The following DLC1 variants were observed in gnomAD, a reference collection of about 807,000 sequenced individuals.
DLC1 encodes the protein DLC1 Rho GTPase activating protein, also known as rho GTPase-activating protein 7.
A neutral mutation model predicts 140.3 loss-of-function variants in DLC1; 54 were observed. The observed-to-expected ratio is 0.38, with a 90% CI of 0.31 to 0.48. The LOEUF is 0.48. Among genes scored for constraint, DLC1 ranks in the 20% least tolerant of loss-of-function variants. The pLI is 0.96. For missense variants in DLC1, 2,536 were observed against 1,907.0 expected (o/e 1.33, Z -6.14); for synonymous variants, 986 against 728.1 (o/e 1.35, Z -5.70).
intron 4 of DLC1, among the ~76,000 whole-genome samples, chr8:13,371,506 C>T (rs1005773642): frequency 3.3e-5 from 5 of 151,912 alleles, no homozygotes; most frequent in African/African-American, 9.7e-5. Context: ...GTCCATGTAC[C>T]TTTGACAATT....
intron 5 of DLC1, among the ~76,000 whole-genome samples, chr8:13,160,897 C>T (rs1006119873): frequency 1.3e-5 from 2 of 152,050 alleles, no homozygotes; most frequent in African/African-American, 2.4e-5. Context: ...ACCATCATGG[C>T]GGTGAAACCC....
At chr8:13,402,846 A>C (rs745379934) in intron 2 of DLC1, among the ~76,000 whole-genome samples, 1 of 152,210 alleles carries the variant, frequency 6.6e-6, no homozygotes, top group Non-Finnish European at 1.5e-5. Context: ...CCCAAAGAAC[A>C]GGGTCTAGGA....
At chr8:13,262,147 A>G (rs1830493725) in intron 5 of DLC1, among the ~76,000 whole-genome samples, 1 of 152,188 alleles carries the variant, frequency 6.6e-6, no homozygotes, top group African/African-American at 2.4e-5. Context: ...GTGTGCTAAA[A>G]ATAAAATAAT....
intron 5 of DLC1, among the ~76,000 whole-genome samples, chr8:13,189,797 G>A (rs1327906709): frequency 6.6e-6 from 1 of 151,968 alleles, no homozygotes; most frequent in East Asian, 1.9e-4. Flanking sequence ...CAGGAGAATC[G>A]CTTGAAACCG....
intron 5 of DLC1, among the ~76,000 whole-genome samples, chr8:13,237,197 A>ATATGTGTGTG (rs1554478020): frequency 7.2e-6 from 1 of 138,204 alleles, no homozygotes; most frequent in Admixed American, 7.4e-5. Context: ...ATATATATAT[A>ATATGTGTGTG]TGTGTGTGTG....
chr8:13,365,918 G>A (rs957317008), intron 4 of DLC1, among the ~76,000 whole-genome samples: 1 of 152,146 alleles, frequency 6.6e-6, no homozygotes, highest in African/African-American at 2.4e-5. Flanking sequence ...ACTCACAGCA[G>A]GCCTGTCTGG....
At chr8:13,576,670 C>A (rs1424685037) in intron 1 of DLC1, among the ~76,000 whole-genome samples, 1 of 151,904 alleles carries the variant, frequency 6.6e-6, no homozygotes, top group Non-Finnish European at 1.5e-5. Flanking sequence ...AAATGCCTAT[C>A]TTCTTTTTGG....
At chr8:13,456,995 C>G (rs1187800283) in intron 2 of DLC1, among the ~76,000 whole-genome samples, 3 of 152,190 alleles carry the variant, frequency 2.0e-5, no homozygotes, top group Non-Finnish European at 4.4e-5. Flanking sequence ...AGTTGTAGAA[C>G]ACAACCTTCA....
intron 4 of DLC1, among the ~76,000 whole-genome samples, chr8:13,387,269 C>G (rs77767913): frequency 1.6e-3 from 241 of 152,084 alleles, no homozygotes; most frequent in African/African-American, 5.3e-3. Context: ...TTTCCAGTTT[C>G]TACTTGTAAA....
chr8:13,269,772 A>G (rs1830847723), intron 5 of DLC1, among the ~76,000 whole-genome samples: 1 of 151,438 alleles, frequency 6.6e-6, no homozygotes, highest in African/African-American at 2.4e-5. Flanking sequence ...AAATTTAAAA[A>G]CATGGCCAGG....
intron 1 of DLC1, among the ~76,000 whole-genome samples, chr8:13,562,225 T>C (rs1481319714): frequency 2.0e-5 from 3 of 152,112 alleles, no homozygotes; most frequent in Non-Finnish European, 4.4e-5. Context: ...AAAAGATTGA[T>C]ACATTTGATA....
intron 5 of DLC1, among the ~76,000 whole-genome samples, chr8:13,204,109 G>A (rs762629022): frequency 6.6e-6 from 1 of 152,032 alleles, no homozygotes; most frequent in Non-Finnish European, 1.5e-5. Context: ...AATGCTCAGG[G>A]GGAAAAAAGA....
chr8:13,120,356 A>AAAATATATATATATATATAT, intron 5 of DLC1, among the ~76,000 whole-genome samples: 25 of 61,076 alleles, frequency 4.1e-4, no homozygotes, highest in Admixed American at 3.2e-3. Flanking sequence ...AAAAAAAAAA[A>AAAATATATATATATATATAT]ATATATATAT....
intron 5 of DLC1, among the ~76,000 whole-genome samples, chr8:13,143,460 G>A (rs1426090568): frequency 1.3e-5 from 2 of 152,110 alleles, no homozygotes; most frequent in Non-Finnish European, 1.5e-5. Context: ...TAACTTCAGT[G>A]AGTTTTTCTT....
intron 5 of DLC1, chr8:13,304,468 C>T (rs1297614584): frequency 5.6e-6 from 1 of 178,318 alleles, no homozygotes; most frequent in Admixed American, 6.5e-5. Context: ...CTGACATAGA[C>T]AGCAAACACC....
At chr8:13,364,050 C>T (rs111820049) in intron 4 of DLC1, among the ~76,000 whole-genome samples, 104 of 151,974 alleles carry the variant, frequency 6.8e-4, no homozygotes, top group African/African-American at 2.1e-3. Flanking sequence ...TGTGTGTGTG[C>T]GCACGTGCAC....
At chr8:13,403,684 G>C (rs1837395036) in intron 2 of DLC1, among the ~76,000 whole-genome samples, 1 of 151,974 alleles carries the variant, frequency 6.6e-6, no homozygotes, top group South Asian at 2.1e-4. Flanking sequence ...TGCCCAGGCT[G>C]TAGTGCAGTG....
At chr8:13,461,618 A>G (rs528610099) in intron 2 of DLC1, among the ~76,000 whole-genome samples, 2 of 152,158 alleles carry the variant, frequency 1.3e-5, no homozygotes, top group Non-Finnish European at 2.9e-5. Context: ...TTATTTATTT[A>G]CTATTGGTTT....
At chr8:13,137,884 C>T (rs1250908175) in intron 5 of DLC1, among the ~76,000 whole-genome samples, 1 of 152,030 alleles carries the variant, frequency 6.6e-6, no homozygotes, top group Non-Finnish European at 1.5e-5. Flanking sequence ...AGGTGTGAGC[C>T]ACCGCACCTG....
Sources: gnomAD v4.1 joint callset for allele counts (sites outside exome capture counted in the v4.1 genomes callset) on GRCh38, gnomAD v4.1.1 for gene constraint, MANE v1.5 for transcripts, NCBI Gene and HGNC (gene_info 2026-07-23, HGNC 2026-07-21) for gene names.